PDE12: variants seen among roughly 807,000 people sequenced by gnomAD.
PDE12 encodes the protein 2',5'-phosphodiesterase 12.
PDE12 carries 26 observed loss-of-function variants against 45.4 expected under a neutral mutation model. The observed-to-expected ratio is 0.57, with a 90% confidence interval of 0.42 to 0.79. The LOEUF (loss-of-function observed/expected upper bound fraction) is 0.79, where lower values mean the gene tolerates loss of function less well. Ranked by LOEUF, PDE12 falls within the 30% of genes least tolerant of loss-of-function variation. PDE12 has a pLI of 0.00. For missense variants in PDE12, 668 were observed against 790.0 expected, an observed-to-expected ratio of 0.85 and a Z score of 1.85; for synonymous variants, 283 against 323.9, an observed-to-expected ratio of 0.87 and a Z score of 1.36.
the PDE12 span, among the ~76,000 whole-genome samples, chr3:57,582,419 T>C: frequency 2.4e-4 from 35 of 143,152 alleles, no homozygotes; most frequent in African/African-American, 8.0e-4. Flanking sequence ...ATTTTTGTAT[T>C]TTTAGTAAAG....
chr3:57,579,777 A>T, the PDE12 span, among the ~76,000 whole-genome samples: 1 of 152,064 alleles, frequency 6.6e-6, no homozygotes, highest in African/African-American at 2.4e-5. Flanking sequence ...CTGCATCTAT[A>T]CCACCTGGAA....
At chr3:57,653,064 C>G in the PDE12 span, among the ~76,000 whole-genome samples, 3 of 152,114 alleles carry the variant, frequency 2.0e-5, no homozygotes, top group Non-Finnish European at 1.5e-5. Context: ...GAAATAGACT[C>G]TAAAGTATTA....
At chr3:57,653,941 CTT>C in the PDE12 span, among the ~76,000 whole-genome samples, 37 of 75,826 alleles carry the variant, frequency 4.9e-4, no homozygotes, top group African/African-American at 2.1e-3. Flanking sequence ...TAGAAATTCA[CTT>C]TTTTTTTTTT....
the PDE12 span, among the ~76,000 whole-genome samples, chr3:57,621,350 C>CT: frequency 1.5e-4 from 23 of 152,238 alleles, no homozygotes; most frequent in African/African-American, 5.5e-4. Context: ...AGTTATAAAC[C>CT]TAAATGCAAA....
At chr3:57,583,358 G>A in the PDE12 span, among the ~76,000 whole-genome samples, 2 of 152,162 alleles carry the variant, frequency 1.3e-5, no homozygotes, top group Admixed American at 1.3e-4. Context: ...AGGTCCCCAT[G>A]TGATTCTTAC....
the PDE12 span, among the ~76,000 whole-genome samples, chr3:57,644,777 A>G: frequency 3.5e-4 from 1 of 2,892 alleles, no homozygotes. Context: ...TGAGGAGGGG[A>G]GGGGAGGGGT....
chr3:57,588,822 G>A, the PDE12 span, among the ~76,000 whole-genome samples: 1 of 150,666 alleles, frequency 6.6e-6, no homozygotes, highest in Non-Finnish European at 1.5e-5. Flanking sequence ...CCAGGTGTGA[G>A]TGAGGCACAG....
chr3:57,561,563 A>G lies in PDE12; in HGVS notation c.*1559A>G, dbSNP rs2069728874. On this transcript the variant is annotated 3_prime_UTR_variant, in exon 3 of 3. Coordinates refer to ENST00000311180, the MANE Select transcript of PDE12 (RefSeq NM_177966.7). ...AATTCAGTTATGAAATACATTATTT[A>G]TAATGCATTAGCTGTATTAGCTGTT... 4.1e-6 allele frequency: 4 copies of G among 984,212 alleles called. No individual in the cohort carries two copies. Among genetic ancestry groups the G allele is most frequent in the African/African-American group, 1.7e-5 (1 of 57,192 alleles). 61.0% of individuals were successfully genotyped at this position (984,212 alleles called of 1,614,324 possible).
At chr3:57,635,511 C>T in the PDE12 span, among the ~76,000 whole-genome samples, 1 of 152,158 alleles carries the variant, frequency 6.6e-6, no homozygotes, top group Non-Finnish European at 1.5e-5. Flanking sequence ...CCTCCCTCTT[C>T]TCTGCATAAG....
At chr3:57,574,408 ATTTTTT>A in the PDE12 span, among the ~76,000 whole-genome samples, 3 of 145,262 alleles carry the variant, frequency 2.1e-5, no homozygotes, top group African/African-American at 7.6e-5. Flanking sequence ...AGAAGTACAA[ATTTTTT>A]TTTTTTTTTT....
At chr3:57,580,742 T>G in the PDE12 span, among the ~76,000 whole-genome samples, 2 of 151,906 alleles carry the variant, frequency 1.3e-5, no homozygotes, top group East Asian at 3.9e-4. Flanking sequence ...GGGACCTAAT[T>G]TTATTTTGAC....
chr3:57,584,334 T>C, the PDE12 span: 1 of 1,405,522 alleles, frequency 7.1e-7, no homozygotes, highest in Non-Finnish European at 1.0e-6. Flanking sequence ...ACTGTATATA[T>C]TTCACTTTAC....
intron 2 of PDE12, 71 bp downstream of exon 2, chr3:57,559,459 A>G (rs756467929): frequency 3.8e-6 from 6 of 1,569,320 alleles, no homozygotes; most frequent in Admixed American, 1.7e-5. Context: ...ACACAAATGC[A>G]TATCTTGAAC....
chr3:57,580,266 A>G, the PDE12 span, among the ~76,000 whole-genome samples: 1 of 152,216 alleles, frequency 6.6e-6, no homozygotes, highest in Admixed American at 6.5e-5. Context: ...CTTGTTAAAG[A>G]TTAAATGCAA....
the PDE12 span, among the ~76,000 whole-genome samples, chr3:57,611,930 T>C: frequency 3.3e-5 from 5 of 151,892 alleles, no homozygotes; most frequent in Admixed American, 2.0e-4. Context: ...AAAGATGTTA[T>C]AGCATGCCCA....
At chr3:57,616,518 AAGG>A in the PDE12 span, among the ~76,000 whole-genome samples, 7 of 151,898 alleles carry the variant, frequency 4.6e-5, no homozygotes, top group East Asian at 1.9e-4. Flanking sequence ...GGAAGAGGAG[AAGG>A]AGAAGAAACA....
At chr3:57,634,693 A>G in the PDE12 span, 2 of 1,531,130 alleles carry the variant, frequency 1.3e-6, no homozygotes, top group Non-Finnish European at 8.8e-7. Flanking sequence ...AAAATCAATA[A>G]AAGTCAATAC....
At chr3:57,620,426 T>C in the PDE12 span, among the ~76,000 whole-genome samples, 1 of 151,530 alleles carries the variant, frequency 6.6e-6, no homozygotes, top group Non-Finnish European at 1.5e-5. Flanking sequence ...TTTTAAAAAA[T>C]GAGTATGTCT....
rs1237037085 is a variant in PDE12 at position 57,560,974 on chromosome 3, G to T, written c.*970G>T. On this transcript the variant is annotated 3_prime_UTR_variant, in exon 3 of 3. Transcript: ENST00000311180. ...CTTTCATTTTTCAATGAACAAGTAA[G>T]GTATTTTCATTCTTATTTTTAGGAT... 4 of 975,258 alleles carry T rather than the reference G, an allele frequency of 4.1e-6. No individual in the cohort carries two copies. In the African/African-American group the frequency reaches 7.0e-5, roughly 17 times the overall value. 60.4% of individuals were successfully genotyped at this position (975,258 alleles called of 1,614,324 possible). A position where few individuals can be genotyped will look rare whatever the true frequency, so the allele number is the denominator to read the frequency against.
Sources: gnomAD v4.1 joint callset for allele counts (sites outside exome capture counted in the v4.1 genomes callset) on GRCh38, gnomAD v4.1.1 for gene constraint, MANE v1.5 for transcripts, NCBI Gene and HGNC (gene_info 2026-07-23, HGNC 2026-07-21) for gene names.